TTC14: variants seen among roughly 807,000 people sequenced by gnomAD.
TTC14 encodes tetratricopeptide repeat domain 14, also known as tetratricopeptide repeat protein 14.
TTC14 carries 63 observed loss-of-function variants against 79.9 expected under a neutral mutation model. The ratio of observed to expected loss-of-function variants is 0.79; its 90% confidence interval spans 0.64 to 0.97. TTC14 has a LOEUF of 0.97. Among genes scored for constraint, TTC14 ranks in the 50% least tolerant of loss-of-function variants. The pLI, the probability that TTC14 is intolerant of heterozygous loss-of-function variation, is 0.00. For synonymous variants in TTC14, 335 were observed against 309.6 expected, an observed-to-expected ratio of 1.08 and a Z score of -0.86; for missense variants, 895 against 894.0, an observed-to-expected ratio of 1.00 and a Z score of -0.01.
In TTC14 at chr3:180,610,233, T is replaced by C. The variant is rs1716918430; in HGVS notation, c.2004T>C (p.His668=). The C allele has an allele frequency of 6.2e-7, 1 of 1,613,850 alleles. No individual in the cohort carries two copies. The highest frequency in any genetic ancestry group is 1.3e-5 in the African/African-American group (1 of 74,908). The change falls in exon 12 of 12, where the codon CAT becomes CAC. Residue 668 remains histidine (H), a synonymous_variant. Coordinates refer to ENST00000296015, the MANE Select transcript of TTC14 (RefSeq NM_133462.4). ...YRRWEPGSVR[H]STSPASSEYS... ...GGTGGGAACCAGGTTCTGTGAGGCA[T>C]TCTACCTCACCAGCAAGCTCAGAAT...
chr3:180,602,310 T>C lies in TTC14; in HGVS notation c.49T>C (p.Leu17=). 6 of 1,614,026 alleles carry C rather than the reference T, an allele frequency of 3.7e-6. No individual in the cohort carries two copies. Among genetic ancestry groups the C allele is most frequent in the Non-Finnish European group, 4.2e-6 (5 of 1,180,024 alleles). ...GTCGCTAAATTGCCACGGGTCGTCT[T>C]TGCTCTCTCTACTTCGGAGCGAACA... ...RQSLNCHGSS[L]LSLLRSEQQD... The change falls in exon 1 of 12, where the codon TTG becomes CTG. Residue 17 remains leucine, a synonymous_variant. Coordinates refer to ENST00000296015, the MANE Select transcript of TTC14 (RefSeq NM_133462.4).
downstream of TTC14, chr3:180,614,552 C>T (rs1717155961): frequency 5.7e-6 from 1 of 175,770 alleles, no homozygotes; most frequent in African/African-American, 2.4e-5. Flanking sequence ...GCAATACGCT[C>T]ATAATAGTAC....
chr3:180,605,530 C>T (rs1027598753), intron 6 of TTC14: 9 of 347,410 alleles, frequency 2.6e-5, no homozygotes, highest in African/African-American at 8.9e-5. Flanking sequence ...ATCCACCCGC[C>T]TCGACCTCCC....
rs532512780 is a variant in TTC14 at position 180,602,876 on chromosome 3, T to A, written c.162-15T>A. 3.1e-6 allele frequency: 5 copies of A among 1,596,064 alleles called. No individual in the cohort carries two copies. Among genetic ancestry groups the A allele is most frequent in the South Asian group, 1.1e-5 (1 of 87,010 alleles). On this transcript the variant is annotated splice_polypyrimidine_tract_variant and intron_variant, in intron 1 of 11. Coordinates refer to ENST00000296015, the MANE Select transcript of TTC14 (RefSeq NM_133462.4). ...CAGATAACCCAATTTTCATATATAT[T>A]TTTTTCTTTTTAAGAAAAGAGAAGA...
chr3:180,609,363 G>A, intron 11 of TTC14: 4 of 1,124,308 alleles, frequency 3.6e-6, no homozygotes, highest in Non-Finnish European at 3.3e-6. Flanking sequence ...TATGTGTTCA[G>A]TAGTCTTAAG....
intron 5 of TTC14, 97 bp downstream of exon 5, chr3:180,604,704 G>A: frequency 1.4e-6 from 2 of 1,454,826 alleles, no homozygotes; most frequent in Non-Finnish European, 1.9e-6. Context: ...CTTCAGACTT[G>A]GTAAAAGGAA....
chr3:180,610,431 C>T lies in TTC14; in HGVS notation c.2202C>T (p.Ser734=). Residue 734 remains serine, a synonymous_variant, in exon 12 of 12, where the codon AGC becomes AGT. Transcript: ENST00000296015. The part of the protein sequence containing the change: ...TEVPEEDALS[S]KEHSESSVKK... Reference sequence around the variant, plus strand: ...TTCCAGAAGAAGATGCACTAAGTAGCAAAGAACACTCAGAAAGCAGTGTTA... The same window carrying T: ...TTCCAGAAGAAGATGCACTAAGTAGTAAAGAACACTCAGAAAGCAGTGTTA... The T allele has an allele frequency of 6.2e-7, 1 of 1,613,438 alleles. No individual in the cohort carries two copies. The highest frequency in any genetic ancestry group is 8.5e-7 in the Non-Finnish European group (1 of 1,179,784).
At chr3:180,613,267 C>T (rs1406582342), downstream of TTC14, among the ~76,000 whole-genome samples, 1 of 152,116 alleles carries the variant, frequency 6.6e-6, no homozygotes, top group Non-Finnish European at 1.5e-5. Flanking sequence ...CATATATTGC[C>T]ATATCTTGGT....
chr3:180,604,513 C>T lies in TTC14; in HGVS notation c.607C>T (p.Leu203=). 8.1e-6 allele frequency: 13 copies of T among 1,607,048 alleles called. No individual in the cohort carries two copies. Among genetic ancestry groups the T allele is most frequent in the Non-Finnish European group, 1.1e-5 (13 of 1,178,004 alleles). ...IKDIDRYHEK[L]AVSLYSSSLP... is the part of the protein sequence containing the mutation. ...GGATATTGACAGATACCATGAAAAG[C>T]TAGCAGTATCTCTGTATAGCTCTTC... is the stretch of plus-strand genomic sequence containing the variant. The change falls in exon 5 of 12, where the codon CTA becomes TTA. Residue 203 remains leucine, a synonymous_variant. Transcript: ENST00000296015.
downstream of TTC14, chr3:180,614,058 T>G (rs1717123542): frequency 3.3e-6 from 1 of 303,112 alleles, no homozygotes; most frequent in Non-Finnish European, 6.5e-6. Context: ...TTCCACACTC[T>G]ATTCCAAGAG....
chr3:180,602,815 A>C, intron 1 of TTC14, 76 bp from the exon 2 acceptor site: 1 of 1,486,114 alleles, frequency 6.7e-7, no homozygotes, highest in South Asian at 1.3e-5. Context: ...GGGCGATGAA[A>C]GCCATAAGCA....
At chr3:180,603,918 G>T in intron 3 of TTC14, 1 of 307,828 alleles carries the variant, frequency 3.2e-6, no homozygotes, top group Non-Finnish European at 6.0e-6. Flanking sequence ...CATTTTCACT[G>T]GAATCCTTAT....
At position 180,610,474 on chromosome 3, in the gene TTC14, A is replaced by C. The variant is rs766329651; in HGVS notation, c.2245A>C (p.Asn749His). 1 of 1,604,090 alleles carries C rather than the reference A, an allele frequency of 6.2e-7. No individual in the cohort carries two copies. Among genetic ancestry groups the C allele is most frequent in the East Asian group, 2.2e-5 (1 of 44,826 alleles). The change falls in exon 12 of 12, where the codon AAT (asparagine) becomes CAT (histidine). Residue 749 changes from asparagine to histidine, a missense_variant. By Grantham distance (68) the Asn-to-His change is moderately conservative. Transcript: ENST00000296015. ...CAGTGTTAAGAAAAATTTACCTCAG[A>C]ATTTACTGAATATATTTAATCAGAT... ...ESSVKKNLPQ[N>H]LLNIFNQIAE...
intron 10 of TTC14, chr3:180,608,483 T>C: frequency 9.3e-7 from 1 of 1,075,846 alleles, no homozygotes; most frequent in Non-Finnish European, 1.1e-6. Flanking sequence ...CCAACTGCAA[T>C]ATGGTCCTCA....
downstream of TTC14, chr3:180,614,367 T>G (rs1249407774): frequency 1.4e-5 from 2 of 143,810 alleles, no homozygotes; most frequent in Non-Finnish European, 3.1e-5. Context: ...CTCTTACCGG[T>G]TTTTTTTTGG....
chr3:180,602,983 C>CTGCAACTT lies in TTC14; in HGVS notation c.255_262dup (p.Ser88LeufsTer20). The CTGCAACTT allele has an allele frequency of 6.2e-7, 1 of 1,613,632 alleles. No individual in the cohort carries two copies. Among genetic ancestry groups the CTGCAACTT allele is most frequent in the Non-Finnish European group, 8.5e-7 (1 of 1,179,924 alleles). ...GCACTTTCCTGGAAATCAGATGCAC[C>CTGCAACTT]TGCAACTTCTGAAATTAATGAAGAC... On this transcript the variant is annotated frameshift_variant, in exon 2 of 12. Coordinates refer to ENST00000296015, the MANE Select transcript of TTC14 (RefSeq NM_133462.4). LOFTEE classifies it high-confidence loss of function.
At chr3:180,611,551 GT>G (rs1716997424), downstream of TTC14, among the ~76,000 whole-genome samples, 1 of 152,122 alleles carries the variant, frequency 6.6e-6, no homozygotes, top group Admixed American at 6.6e-5. Flanking sequence ...CTAGAGCCTG[GT>G]TTTACTAAGA....
rs992252985 is a variant in TTC14 at position 180,604,890 on chromosome 3, A to T, written c.740A>T (p.Tyr247Phe). ...VELNSNSLES[Y>F]ENVMQSSLGF... ...CTAAATAGCAATTCTTTGGAGTCCT[A>T]TGAAAATGTCATGCAGAGTTCCTTG... Residue 247 changes from tyrosine (Y) to phenylalanine (F), a missense_variant, in exon 6 of 12, where the codon TAT becomes TTT. Coordinates refer to ENST00000296015, the MANE Select transcript of TTC14 (RefSeq NM_133462.4). 2.5e-6 allele frequency: 4 copies of T among 1,613,850 alleles called. No homozygotes were observed. Among genetic ancestry groups the T allele is most frequent in the Non-Finnish European group, 3.4e-6 (4 of 1,179,938 alleles).
chr3:180,602,837 G>C (rs1341722046), intron 1 of TTC14, 54 bp from the exon 2 acceptor site: 3 of 1,562,140 alleles, frequency 1.9e-6, no homozygotes, highest in African/African-American at 2.8e-5. Flanking sequence ...AAGGTTAGAA[G>C]TAAAGAGGCT....
Sources: allele counts gnomAD v4.1 joint callset (sites outside exome capture counted in the v4.1 genomes callset), GRCh38; gene constraint gnomAD v4.1.1; transcripts MANE v1.5; gene names NCBI Gene and HGNC (gene_info 2026-07-23, HGNC 2026-07-21).